Variants in MACROD2 observed in about 807,000 individuals in gnomAD.
The protein encoded by MACROD2 is mono-ADP ribosylhydrolase 2, also known as ADP-ribose glycohydrolase MACROD2.
A neutral mutation model predicts 70.4 loss-of-function variants in MACROD2; 36 were observed. The ratio of observed to expected loss-of-function variants is 0.51; its 90% CI spans 0.39 to 0.68. MACROD2 has a LOEUF of 0.68. MACROD2 is among the 30% of genes least tolerant of loss of function. The pLI is 0.00. For synonymous variants in MACROD2, 172 were observed against 178.8 expected (o/e 0.96, Z 0.30); for missense variants, 496 against 538.4 (o/e 0.92, Z 0.78).
At chr20:14,714,704 T>C (rs957730847) in intron 5 of MACROD2, among the ~76,000 whole-genome samples, 3 of 152,108 alleles carry the variant, frequency 2.0e-5, no homozygotes, top group Non-Finnish European at 4.4e-5. Flanking sequence ...TTTCCCCTCA[T>C]TGTCTTGTCA....
chr20:15,856,919 C>G (rs541814168), intron 8 of MACROD2, among the ~76,000 whole-genome samples: 2 of 152,184 alleles, frequency 1.3e-5, no homozygotes, highest in African/African-American at 4.8e-5. Context: ...AAAAGTTCAT[C>G]GAAAAAGAAG....
chr20:14,473,520 G>A (rs1396162605), intron 3 of MACROD2, among the ~76,000 whole-genome samples: 2 of 152,112 alleles, frequency 1.3e-5, no homozygotes, highest in Non-Finnish European at 2.9e-5. Context: ...ATTGTGTATG[G>A]ACACCAAATT....
intron 11 of MACROD2, 128 bp downstream of exon 11, chr20:15,933,466 G>T: frequency 1.2e-6 from 1 of 800,790 alleles, no homozygotes; most frequent in Non-Finnish European, 1.9e-6. Flanking sequence ...TTCATTCAGG[G>T]TCTCCCTCAG....
At chr20:14,674,967 C>T (rs919623203) in intron 4 of MACROD2, among the ~76,000 whole-genome samples, 4 of 152,076 alleles carry the variant, frequency 2.6e-5, no homozygotes, top group African/African-American at 9.7e-5. Flanking sequence ...TCCAAGAACT[C>T]CAAAATCTCC....
At chr20:15,668,872 C>G (rs919495111) in intron 8 of MACROD2, among the ~76,000 whole-genome samples, 1 of 152,172 alleles carries the variant, frequency 6.6e-6, no homozygotes, top group Non-Finnish European at 1.5e-5. Context: ...TCTATCATTC[C>G]TTCTACATAG....
At chr20:14,175,019 C>T (rs2081252396) in intron 3 of MACROD2, among the ~76,000 whole-genome samples, 1 of 152,180 alleles carries the variant, frequency 6.6e-6, no homozygotes. Context: ...ACTCTGGGCA[C>T]TAGCAGTTTT....
rs73597726 is a variant in MACROD2 at position 15,953,918 on chromosome 20, T to C, written c.908-13635T>C. Among the ~76,000 whole-genome samples the C allele has an allele frequency of 2.2e-3, 335 of 152,282 alleles. 1 individual carries two copies. In the South Asian group the frequency reaches 0.023, roughly 10 times the overall value. ...CACAATGGAGGTTCAGATAGAACCC[T>C]GATTCATGAATTTGCTCACTGTTTT... is the stretch of plus-strand genomic sequence containing the variant. On this transcript the variant is annotated intron_variant, in intron 12 of 17. Coordinates refer to ENST00000684519, the MANE Select transcript of MACROD2 (RefSeq NM_001351661.2).
chr20:15,823,316 G>GTGTA (rs58344669), intron 8 of MACROD2, among the ~76,000 whole-genome samples: 23,703 of 148,034 alleles, frequency 0.16, 1,938 homozygotes, highest in Middle Eastern at 0.27. Context: ...GTGTGTGTGT[G>GTGTA]TGTGTCTATA....
At chr20:14,735,074 G>A (rs540857306) in intron 5 of MACROD2, among the ~76,000 whole-genome samples, 1 of 152,038 alleles carries the variant, frequency 6.6e-6, no homozygotes. Context: ...CTTAGAGTTG[G>A]TGATGGATTC....
intron 6 of MACROD2, among the ~76,000 whole-genome samples, chr20:15,268,549 G>A (rs576290677): frequency 6.6e-6 from 1 of 152,268 alleles, no homozygotes; most frequent in South Asian, 2.1e-4. Flanking sequence ...AGCTACTCAG[G>A]AGGCTGAGGC....
chr20:14,286,413 C>T (rs1398734128), intron 3 of MACROD2, among the ~76,000 whole-genome samples: 1 of 152,062 alleles, frequency 6.6e-6, no homozygotes, highest in African/African-American at 2.4e-5. Context: ...GTTATAATAG[C>T]TGGCTATTCT....
chr20:14,259,667 A>G (rs1181923560), intron 3 of MACROD2, among the ~76,000 whole-genome samples: 1 of 152,212 alleles, frequency 6.6e-6, no homozygotes, highest in Non-Finnish European at 1.5e-5. Context: ...CCTTTTCTTC[A>G]GGGAGCTGCT....
chr20:15,057,233 G>A (rs2075493825), intron 5 of MACROD2, among the ~76,000 whole-genome samples: 1 of 152,198 alleles, frequency 6.6e-6, no homozygotes, highest in Non-Finnish European at 1.5e-5. Flanking sequence ...TAGGATATAT[G>A]TACATGTAGT....
intron 5 of MACROD2, among the ~76,000 whole-genome samples, chr20:14,732,799 C>T (rs1168727993): frequency 1.3e-5 from 2 of 152,180 alleles, no homozygotes; most frequent in African/African-American, 4.8e-5. Flanking sequence ...TTGATTAAAG[C>T]TTCTAGGCCC....
chr20:14,904,770 TTATG>T (rs1241336983), intron 5 of MACROD2, among the ~76,000 whole-genome samples: 2 of 152,184 alleles, frequency 1.3e-5, no homozygotes, highest in African/African-American at 4.8e-5. Flanking sequence ...TAAAATGAGA[TTATG>T]TATGTAACAC....
At chr20:14,860,877 T>A (rs1023508304) in intron 5 of MACROD2, among the ~76,000 whole-genome samples, 1 of 152,040 alleles carries the variant, frequency 6.6e-6, no homozygotes. Flanking sequence ...GAAAACATAC[T>A]TATCCCAGGT....
chr20:15,492,378 C>T (rs1038436236), intron 7 of MACROD2, among the ~76,000 whole-genome samples: 5 of 152,230 alleles, frequency 3.3e-5, no homozygotes, highest in East Asian at 1.9e-4. Flanking sequence ...TCTCTCCTCC[C>T]GTGCATGGTA....
At chr20:15,195,275 A>T (rs1235202681) in intron 5 of MACROD2, among the ~76,000 whole-genome samples, 1 of 152,230 alleles carries the variant, frequency 6.6e-6, no homozygotes, top group African/African-American at 2.4e-5. Context: ...AGCAAAAGAA[A>T]CTATGATCAG....
At chr20:15,510,666 G>T (rs2047486747) in intron 8 of MACROD2, among the ~76,000 whole-genome samples, 1 of 152,082 alleles carries the variant, frequency 6.6e-6, no homozygotes, top group African/African-American at 2.4e-5. Context: ...TACTCACTAG[G>T]GTAAGAAAAC....
Sources: gnomAD v4.1 joint callset for allele counts (sites outside exome capture counted in the v4.1 genomes callset) on GRCh38, gnomAD v4.1.1 for gene constraint, MANE v1.5 for transcripts, NCBI Gene and HGNC (gene_info 2026-07-23, HGNC 2026-07-21) for gene names.